TNNI3K: variants seen among roughly 807,000 people sequenced by gnomAD.
The protein encoded by TNNI3K is TNNI3 interacting kinase, also known as serine/threonine-protein kinase TNNI3K.
Under a neutral mutation model 114.5 loss-of-function variants are expected in TNNI3K, and 140 were observed. The ratio of observed to expected loss-of-function variants is 1.22; its 90% CI spans 1.07 to 1.41. The LOEUF (loss-of-function observed/expected upper bound fraction) is 1.41. TNNI3K is among the 40% of genes most tolerant of loss of function. The pLI, the probability that TNNI3K is intolerant of heterozygous loss-of-function variation, is 0.00. For missense variants in TNNI3K, 1,125 were observed against 1,007.6 expected (o/e 1.12, Z -1.58); for synonymous variants, 347 against 347.5 (o/e 1.00, Z 0.02).
At chr1:74,265,943 G>A (rs1655955090) in intron 4 of TNNI3K, among the ~76,000 whole-genome samples, 1 of 151,968 alleles carries the variant, frequency 6.6e-6, no homozygotes, top group Non-Finnish European at 1.5e-5. Flanking sequence ...TTATATGGTA[G>A]TACTATGGGT....
At chr1:74,390,965 G>A (rs866307662) in intron 17 of TNNI3K, among the ~76,000 whole-genome samples, 96 of 131,654 alleles carry the variant, frequency 7.3e-4, no homozygotes, top group Non-Finnish European at 8.6e-4. Context: ...ATTTTTTTCC[G>A]AAAAAAAAAA....
At chr1:74,480,341 G>A (rs1266529124) in intron 21 of TNNI3K, 4 of 717,686 alleles carry the variant, frequency 5.6e-6, no homozygotes, top group African/African-American at 1.7e-5. Context: ...ATTCCTGAGC[G>A]TGTGAGCAGA....
chr1:74,371,818 A>G (rs1424114990), intron 17 of TNNI3K: 3 of 151,776 alleles, frequency 2.0e-5, no homozygotes, highest in Non-Finnish European at 4.4e-5. Context: ...GAGCTATATT[A>G]TTGAAAGATG....
intron 17 of TNNI3K, among the ~76,000 whole-genome samples, chr1:74,402,315 G>A (rs907032708): frequency 3.3e-5 from 5 of 152,132 alleles, no homozygotes; most frequent in Non-Finnish European, 7.4e-5. Context: ...CTCAGGAATA[G>A]TTATGTAGAG....
chr1:74,512,536 C>G (rs1424127510), intron 23 of TNNI3K: 1 of 152,188 alleles, frequency 6.6e-6, no homozygotes, highest in African/African-American at 2.4e-5. Context: ...CCAAAGGTCT[C>G]ACAGCTTGTA....
At chr1:74,468,009 T>C (rs949768913) in intron 21 of TNNI3K, among the ~76,000 whole-genome samples, 7 of 152,070 alleles carry the variant, frequency 4.6e-5, no homozygotes, top group Non-Finnish European at 1.0e-4. Flanking sequence ...ACTACAATGG[T>C]TACCATGGAG....
intron 21 of TNNI3K, chr1:74,471,709 AC>A: frequency 2.5e-6 from 1 of 402,376 alleles, no homozygotes; most frequent in Non-Finnish European, 4.4e-6. Context: ...ATGGAAGATA[AC>A]CCTCTTTGGG....
intron 23 of TNNI3K, among the ~76,000 whole-genome samples, chr1:74,539,317 C>T (rs957200376): frequency 6.6e-6 from 1 of 152,102 alleles, no homozygotes; most frequent in Non-Finnish European, 1.5e-5. Flanking sequence ...GGCTTGGGTG[C>T]TGGGAGAATT....
At chr1:74,283,015 C>T (rs1050991763) in intron 5 of TNNI3K, among the ~76,000 whole-genome samples, 1 of 152,128 alleles carries the variant, frequency 6.6e-6, no homozygotes, top group Non-Finnish European at 1.5e-5. Flanking sequence ...TTATAATCAC[C>T]ATTCATTGTC....
At chr1:74,270,356 TA>T (rs946638975) in intron 4 of TNNI3K, among the ~76,000 whole-genome samples, 1 of 151,176 alleles carries the variant, frequency 6.6e-6, no homozygotes, top group African/African-American at 2.4e-5. Flanking sequence ...AAAATCAGCT[TA>T]GCTTCAGTGG....
chr1:74,354,199 A>C, intron 11 of TNNI3K, 70 bp downstream of exon 11: 2 of 1,582,588 alleles, frequency 1.3e-6, no homozygotes, highest in Non-Finnish European at 1.7e-6. Context: ...TCAGTGCATC[A>C]ATAATTACTT....
intron 2 of TNNI3K, among the ~76,000 whole-genome samples, chr1:74,237,356 T>G (rs2100822251): frequency 6.6e-6 from 1 of 152,124 alleles, no homozygotes; most frequent in Non-Finnish European, 1.5e-5. Flanking sequence ...AGTAGAATTA[T>G]AAATATGTAT....
chr1:74,543,064 C>CTTTT lies in TNNI3K; in HGVS notation c.2432-816_2432-813dup, dbSNP rs60688934. ...CTTTTCCTTTTCTTTTTCTTTTTCC[C>CTTTT]TTTTTTTTTTTTTTTTTTTTTTTTT... On this transcript the variant is annotated intron_variant, in intron 24 of 24. Transcript: ENST00000326637. Among the ~76,000 whole-genome samples the CTTTT allele has an allele frequency of 7.7e-3, 52 of 6,746 alleles. 10 individuals are homozygous for CTTTT. Among genetic ancestry groups the CTTTT allele is most frequent in the African/African-American group, 8.9e-3 (21 of 2,362 alleles). The allele number at this position is 6,746 out of a possible 152,430, so 4.4% of individuals were successfully genotyped here. A position where few individuals can be genotyped will look rare whatever the true frequency, so the allele number is the denominator to read the frequency against.
At chr1:74,301,027 G>T (rs1189702940) in intron 5 of TNNI3K, among the ~76,000 whole-genome samples, 1 of 152,118 alleles carries the variant, frequency 6.6e-6, no homozygotes, top group African/African-American at 2.4e-5. Flanking sequence ...CATTTCTATG[G>T]AGAGATATGC....
chr1:74,236,695 C>A (rs1057301278), intron 2 of TNNI3K, among the ~76,000 whole-genome samples: 1 of 151,776 alleles, frequency 6.6e-6, no homozygotes, highest in Non-Finnish European at 1.5e-5. Flanking sequence ...TGCCCCTGAA[C>A]AATCATATAA....
intron 5 of TNNI3K, among the ~76,000 whole-genome samples, chr1:74,311,344 A>T (rs1457918093): frequency 6.6e-6 from 1 of 152,184 alleles, no homozygotes; most frequent in African/African-American, 2.4e-5. Context: ...CAAGAAAAAA[A>T]ATCTGTCATA....
At chr1:74,295,752 G>T (rs958660909) in intron 5 of TNNI3K, among the ~76,000 whole-genome samples, 1 of 151,890 alleles carries the variant, frequency 6.6e-6, no homozygotes, top group East Asian at 1.9e-4. Flanking sequence ...ATATTTAATT[G>T]TGTCTCTTGT....
chr1:74,296,408 A>G (rs1170568113), intron 5 of TNNI3K, among the ~76,000 whole-genome samples: 1 of 151,982 alleles, frequency 6.6e-6, no homozygotes, highest in South Asian at 2.1e-4. Flanking sequence ...TTTGTCATAT[A>G]TTACCTTTTT....
intron 23 of TNNI3K, among the ~76,000 whole-genome samples, chr1:74,520,985 G>T (rs1445895181): frequency 6.6e-6 from 1 of 152,148 alleles, no homozygotes; most frequent in East Asian, 1.9e-4. Flanking sequence ...CTGTGGCAGT[G>T]TAGGGGTCCT....
Sources: gnomAD v4.1 joint callset for allele counts (sites outside exome capture counted in the v4.1 genomes callset) on GRCh38, gnomAD v4.1.1 for gene constraint, MANE v1.5 for transcripts, NCBI Gene and HGNC (gene_info 2026-07-23, HGNC 2026-07-21) for gene names.